Variants in FAM185A observed in about 807,000 individuals in gnomAD.
FAM185A encodes the protein family with sequence similarity 185 member A.
Under a neutral mutation model 45.7 loss-of-function variants are expected in FAM185A, and 21 were observed. The ratio of observed to expected loss-of-function variants is 0.46; its 90% CI spans 0.33 to 0.66. FAM185A has a LOEUF of 0.66. Ranked by LOEUF, FAM185A falls within the 30% of genes least tolerant of loss-of-function variation. FAM185A has a pLI of 0.03. For missense variants in FAM185A, 305 were observed against 485.4 expected, an observed-to-expected ratio of 0.63 and a Z score of 3.49; for synonymous variants, 117 against 194.0, an observed-to-expected ratio of 0.60 and a Z score of 3.30.
the FAM185A span, among the ~76,000 whole-genome samples, chr7:102,831,028 A>T: frequency 6.6e-6 from 1 of 152,154 alleles, no homozygotes; most frequent in Non-Finnish European, 1.5e-5. Flanking sequence ...ATGAAGGATG[A>T]TCTACGTGTG....
the FAM185A span, among the ~76,000 whole-genome samples, chr7:102,827,461 A>G: frequency 6.6e-6 from 1 of 152,168 alleles, no homozygotes; most frequent in Non-Finnish European, 1.5e-5. Context: ...TACACAGCAA[A>G]AGATCAGCCA....
chr7:102,789,120 T>C (rs1356254231), intron 7 of FAM185A, among the ~76,000 whole-genome samples: 1 of 152,252 alleles, frequency 6.6e-6, no homozygotes, highest in Non-Finnish European at 1.5e-5. Context: ...TAGTTTACTG[T>C]AACTTTTTTA....
intron 7 of FAM185A, among the ~76,000 whole-genome samples, chr7:102,794,804 C>T (rs1012238214): frequency 7.2e-5 from 11 of 152,142 alleles, no homozygotes; most frequent in Non-Finnish European, 1.5e-4. Context: ...ATGGTATGTC[C>T]ACATAAGGTA....
the FAM185A span, among the ~76,000 whole-genome samples, chr7:102,824,630 T>C: frequency 4.6e-5 from 7 of 151,976 alleles, no homozygotes; most frequent in Non-Finnish European, 8.8e-5. Flanking sequence ...GGATTACAGG[T>C]GCCCGCCACC....
intron 7 of FAM185A, among the ~76,000 whole-genome samples, chr7:102,790,081 A>AT (rs1039126785): frequency 0.016 from 2,345 of 148,150 alleles, 56 homozygotes; most frequent in African/African-American, 0.053. Flanking sequence ...TATCGTAACT[A>AT]TTTTTTTTTT....
At chr7:102,817,079 G>A in the FAM185A span, among the ~76,000 whole-genome samples, 1 of 152,172 alleles carries the variant, frequency 6.6e-6, no homozygotes, top group Admixed American at 6.6e-5. Flanking sequence ...ACAACTGCAG[G>A]TGTCTTTTTG....
chr7:102,826,181 A>G, the FAM185A span, among the ~76,000 whole-genome samples: 28 of 152,228 alleles, frequency 1.8e-4, no homozygotes, highest in East Asian at 3.7e-3. Flanking sequence ...GTGAGAAGTC[A>G]GGTAATTTTA....
the FAM185A span, among the ~76,000 whole-genome samples, chr7:102,815,229 C>T: frequency 6.6e-6 from 1 of 152,196 alleles, no homozygotes; most frequent in South Asian, 2.1e-4. Context: ...TAAACATCTA[C>T]AGGAAGTTGA....
intron 4 of FAM185A, among the ~76,000 whole-genome samples, chr7:102,765,493 C>A (rs191959621): frequency 1.5e-3 from 221 of 151,718 alleles, no homozygotes; most frequent in Non-Finnish European, 2.6e-3. Flanking sequence ...TTTTTATATA[C>A]CCTGATGGCA....
chr7:102,826,059 G>A, the FAM185A span, among the ~76,000 whole-genome samples: 1 of 151,842 alleles, frequency 6.6e-6, no homozygotes, highest in Non-Finnish European at 1.5e-5. Context: ...TTTTTTTTTA[G>A]TAGGACCTCT....
chr7:102,808,352 G>C lies in FAM185A; in HGVS notation c.1129G>C (p.Val377Leu). The C allele has an allele frequency of 6.4e-7, 1 of 1,551,714 alleles. No individual in the cohort carries two copies. ...WIKADAPKGTVSFRRQSWFQS... is the reference protein window; with the variant it reads ...WIKADAPKGTLSFRRQSWFQS... The stretch of plus-strand genomic sequence containing the variant: ...TAAGGCTGATGCCCCAAAAGGCACT[G>C]TAAGTTTTAGAAGGCAAAGTTGGTT... Residue 377 changes from valine to leucine, a missense_variant, in exon 8 of 8, where the codon GTA becomes CTA. By Grantham distance (32) the Val-to-Leu change is conservative. Coordinates refer to ENST00000413034, the MANE Select transcript of FAM185A (RefSeq NM_001145268.2).
chr7:102,832,754 T>G, the FAM185A span: 1 of 1,429,168 alleles, frequency 7.0e-7, no homozygotes, highest in East Asian at 2.5e-5. Flanking sequence ...GAGAACATAT[T>G]CTGAGTCCAG....
downstream of FAM185A, among the ~76,000 whole-genome samples, chr7:102,809,676 T>C (rs573823585): frequency 1.3e-5 from 2 of 152,190 alleles, no homozygotes; most frequent in African/African-American, 2.4e-5. Flanking sequence ...TACTCCAGCC[T>C]GGACAACAGA....
At chr7:102,830,195 A>G in the FAM185A span, among the ~76,000 whole-genome samples, 1 of 152,230 alleles carries the variant, frequency 6.6e-6, no homozygotes, top group African/African-American at 2.4e-5. Context: ...CTTCATAACA[A>G]AAAACAAAAA....
intron 6 of FAM185A, among the ~76,000 whole-genome samples, chr7:102,787,119 A>G (rs1205738318): frequency 6.6e-6 from 1 of 152,204 alleles, no homozygotes; most frequent in Non-Finnish European, 1.5e-5. Flanking sequence ...ATAATGTGCT[A>G]ATAACCCATA....
chr7:102,758,610 A>C (rs182311847), intron 3 of FAM185A, among the ~76,000 whole-genome samples: 1 of 151,820 alleles, frequency 6.6e-6, no homozygotes, highest in East Asian at 1.9e-4. Flanking sequence ...GTGATTGATA[A>C]TGTATCTTTG....
intron 6 of FAM185A, 26 bp from the exon 7 acceptor site, chr7:102,787,309 T>C (rs1406294624): frequency 1.5e-6 from 2 of 1,356,016 alleles, no homozygotes; most frequent in Non-Finnish European, 1.9e-6. Context: ...TTTATATTAC[T>C]AAGCTCTCCA....
chr7:102,812,231 C>G (rs1562886650), downstream of FAM185A, among the ~76,000 whole-genome samples: 1 of 152,188 alleles, frequency 6.6e-6, no homozygotes, highest in African/African-American at 2.4e-5. Context: ...CAGATGTGCT[C>G]ACTTCGGCAG....
intron 7 of FAM185A, among the ~76,000 whole-genome samples, chr7:102,796,821 C>T (rs905121774): frequency 4.6e-5 from 7 of 152,050 alleles, no homozygotes; most frequent in African/African-American, 9.7e-5. Context: ...CTTGTTCGAA[C>T]ACTTAAGACA....
Sources: allele counts gnomAD v4.1 joint callset (sites outside exome capture counted in the v4.1 genomes callset), GRCh38; gene constraint gnomAD v4.1.1; transcripts MANE v1.5; gene names NCBI Gene and HGNC (gene_info 2026-07-23, HGNC 2026-07-21).